EIF2AK4: variants seen among roughly 807,000 people sequenced by gnomAD.
The protein encoded by EIF2AK4 is eukaryotic translation initiation factor 2 alpha kinase 4.
EIF2AK4 carries 139 observed loss-of-function variants against 211.1 expected under a neutral mutation model. That is an observed-to-expected ratio of 0.66 (90% CI 0.57 to 0.76). The LOEUF (loss-of-function observed/expected upper bound fraction) is 0.76. Ranked by LOEUF, EIF2AK4 falls within the 30% of genes least tolerant of loss-of-function variation. EIF2AK4 has a pLI of 0.00. For synonymous variants in EIF2AK4, 710 were observed against 751.3 expected, an observed-to-expected ratio of 0.94 and a Z score of 0.90; for missense variants, 1,664 against 2,043.8, an observed-to-expected ratio of 0.81 and a Z score of 3.58.
intron 9 of EIF2AK4, among the ~76,000 whole-genome samples, chr15:39,972,635 A>G (rs1016449560): frequency 2.0e-5 from 3 of 152,114 alleles, no homozygotes; most frequent in Non-Finnish European, 4.4e-5. Flanking sequence ...GCTACCTTAG[A>G]CTTTTAAAAA....
rs540474701 is a variant in EIF2AK4, at chr15:39,941,076, T to C, written c.257+1459T>C. Among the ~76,000 whole-genome samples the C allele has an allele frequency of 1.2e-4, 18 of 152,214 alleles. No individual in the cohort carries two copies. The South Asian group carries it at 2.3e-3, about 19-fold the overall frequency. On this transcript the variant is annotated intron_variant, in intron 2 of 38. Coordinates refer to ENST00000263791, the MANE Select transcript of EIF2AK4 (RefSeq NM_001013703.4). ...AGAGGCACAGAGCTCCCATACCCTCTCCAGGCCTGGCACCCTCCCAGCACC... is the reference window on the plus strand; with the variant it reads ...AGAGGCACAGAGCTCCCATACCCTCCCCAGGCCTGGCACCCTCCCAGCACC...
intron 15 of EIF2AK4, 145 bp from the exon 16 acceptor site, chr15:39,990,128 C>T: frequency 1.4e-6 from 1 of 695,044 alleles, no homozygotes. Context: ...GGACATATTG[C>T]AGAGGCCAGA....
intron 3 of EIF2AK4, among the ~76,000 whole-genome samples, chr15:39,945,508 G>A (rs948498753): frequency 6.6e-6 from 1 of 152,178 alleles, no homozygotes; most frequent in Non-Finnish European, 1.5e-5. Context: ...TGGTTCATGA[G>A]GTTTAAGGAA....
intron 6 of EIF2AK4, among the ~76,000 whole-genome samples, chr15:39,959,072 C>T (rs1283358058): frequency 6.6e-6 from 1 of 152,046 alleles, no homozygotes; most frequent in African/African-American, 2.4e-5. Context: ...TGGGAACTGC[C>T]ACAGATACTT....
At chr15:39,951,039 C>G (rs1406014214) in intron 4 of EIF2AK4, among the ~76,000 whole-genome samples, 2 of 152,050 alleles carry the variant, frequency 1.3e-5, no homozygotes, top group Non-Finnish European at 2.9e-5. Flanking sequence ...GATTTCTGTC[C>G]CCTCTTTTTC....
intron 19 of EIF2AK4, among the ~76,000 whole-genome samples, chr15:39,998,441 T>G (rs2035050143): frequency 6.6e-6 from 1 of 152,148 alleles, no homozygotes. Context: ...CCTCTGTTAC[T>G]GCCTGAGCTA....
chr15:40,014,297 C>T (rs1032728129), intron 27 of EIF2AK4, among the ~76,000 whole-genome samples: 1 of 152,262 alleles, frequency 6.6e-6, no homozygotes, highest in African/African-American at 2.4e-5. Flanking sequence ...TTCTGCACTG[C>T]CCTAGCAGAG....
chr15:39,945,728 G>T (rs1214457805), intron 3 of EIF2AK4, among the ~76,000 whole-genome samples: 1 of 152,232 alleles, frequency 6.6e-6, no homozygotes, highest in Non-Finnish European at 1.5e-5. Flanking sequence ...AAAGCCTTAT[G>T]AAAGGACAGA....
At chr15:39,998,593 A>G (rs2035052877) in intron 19 of EIF2AK4, 138 bp from the exon 20 acceptor site, 3 of 626,428 alleles carry the variant, frequency 4.8e-6, no homozygotes, top group Non-Finnish European at 8.4e-6. Context: ...AATAAGCGTC[A>G]GGTTTCAAGA....
intron 20 of EIF2AK4, 125 bp from the exon 21 acceptor site, chr15:40,000,863 A>T: frequency 1.1e-6 from 1 of 904,400 alleles, no homozygotes; most frequent in Non-Finnish European, 1.7e-6. Context: ...AAATTTCAGA[A>T]TGTCAGTTAA....
chr15:40,029,732 TGA>T (rs2035513419), intron 34 of EIF2AK4, among the ~76,000 whole-genome samples: 1 of 152,218 alleles, frequency 6.6e-6, no homozygotes, highest in Non-Finnish European at 1.5e-5. Flanking sequence ...ATTGTACAAG[TGA>T]AATGTGTATA....
intron 35 of EIF2AK4, among the ~76,000 whole-genome samples, chr15:40,030,924 A>G (rs1051493159): frequency 2.0e-5 from 3 of 152,228 alleles, no homozygotes; most frequent in African/African-American, 7.2e-5. Flanking sequence ...AAGCATATGC[A>G]TTATATAGAG....
chr15:39,972,779 C>G, intron 9 of EIF2AK4, 129 bp from the exon 10 acceptor site: 2 of 672,128 alleles, frequency 3.0e-6, no homozygotes, highest in South Asian at 3.9e-5. Flanking sequence ...AGAGTACATT[C>G]TGGTCTTTGA....
intron 1 of EIF2AK4, among the ~76,000 whole-genome samples, chr15:39,934,949 T>C (rs887481573): frequency 1.3e-5 from 2 of 152,184 alleles, no homozygotes; most frequent in Admixed American, 1.3e-4. Context: ...AGAGAGAGGG[T>C]TCTAGACTGA....
chr15:39,995,550 T>A (rs1197282615), intron 18 of EIF2AK4, among the ~76,000 whole-genome samples: 1 of 152,240 alleles, frequency 6.6e-6, no homozygotes, highest in Admixed American at 6.5e-5. Context: ...AGATTTTCTC[T>A]GCACTGACTT....
chr15:39,938,861 C>T (rs1256141715), intron 1 of EIF2AK4, among the ~76,000 whole-genome samples: 2 of 152,160 alleles, frequency 1.3e-5, no homozygotes, highest in African/African-American at 4.8e-5. Context: ...TCATTATATA[C>T]ATATAATATG....
In EIF2AK4 at chr15:40,022,508, GT is replaced by G; in HGVS notation, c.4303-8del. 5 of 1,611,274 alleles carry G rather than the reference GT, an allele frequency of 3.1e-6. No individual in the cohort carries two copies. Among genetic ancestry groups the G allele is most frequent in the Non-Finnish European group, 4.2e-6 (5 of 1,178,118 alleles). ...TGTGTTTATTTTCTTTACTATGTTT[GT>G]TTGTTTCAGTCCCAAGAGGAATTAC... On this transcript the variant is annotated splice_polypyrimidine_tract_variant and intron_variant, in intron 31 of 38. Transcript: ENST00000263791.
chr15:40,017,233 T>C lies in EIF2AK4; in HGVS notation c.4056T>C (p.Tyr1352=). The part of the protein sequence containing the change: ...VPEILAAGGR[Y]DLLIPQFRGP... ...AAATCCTCGCAGCTGGAGGCAGATA[T>C]GACCTGCTGGTGAGGGCTTGCCCTT... Residue 1352 remains tyrosine (Y), a synonymous_variant, in exon 29 of 39, where the codon TAT becomes TAC. Coordinates refer to ENST00000263791, the MANE Select transcript of EIF2AK4 (RefSeq NM_001013703.4). 6.2e-7 allele frequency: 1 copy of C among 1,612,884 alleles called. No homozygotes were observed. Among genetic ancestry groups the C allele is most frequent in the Non-Finnish European group, 8.5e-7 (1 of 1,178,992 alleles).
intron 6 of EIF2AK4, among the ~76,000 whole-genome samples, chr15:39,957,666 G>A (rs1325379249): frequency 6.6e-6 from 1 of 152,126 alleles, no homozygotes; most frequent in African/African-American, 2.4e-5. Context: ...GCCCTCATCT[G>A]TGTTTTCCTC....
Sources: gnomAD v4.1 joint callset for allele counts (sites outside exome capture counted in the v4.1 genomes callset) on GRCh38, gnomAD v4.1.1 for gene constraint, MANE v1.5 for transcripts, NCBI Gene and HGNC (gene_info 2026-07-23, HGNC 2026-07-21) for gene names.